SKP2: variants seen among roughly 807,000 people sequenced by gnomAD.
The protein encoded by SKP2 is S-phase kinase associated protein 2.
In SKP2, 16 loss-of-function variants were observed where a neutral mutation model predicts 51.8. The observed-to-expected ratio is 0.31, with a 90% CI of 0.21 to 0.47. The LOEUF is 0.47. Ranked by LOEUF, SKP2 falls within the 20% of genes least tolerant of loss-of-function variation. The probability of loss-of-function intolerance (pLI) is 1.00; values close to 1 mark genes in which losing one functional copy is unlikely to be tolerated. For synonymous variants in SKP2, 176 were observed against 198.6 expected, an observed-to-expected ratio of 0.89 and a Z score of 0.96; for missense variants, 377 against 505.3, an observed-to-expected ratio of 0.75 and a Z score of 2.43.
At chr5:36,171,484 G>T in intron 6 of SKP2, 119 bp from the exon 7 acceptor site, 1 of 930,686 alleles carries the variant, frequency 1.1e-6, no homozygotes, top group Non-Finnish European at 1.7e-6. Flanking sequence ...AGAAGCAGGT[G>T]TTCTGTGCAT....
In SKP2 at chr5:36,160,828, G is replaced by A. The variant is rs369071778; in HGVS notation, c.281-2817G>A. The stretch of plus-strand genomic sequence containing the variant: ...GTGGCAGTGATGGAACAGCTGCCAC[G>A]TCGAGGAGCCTCCTCACAACCTCCA... On this transcript the variant is annotated intron_variant, in intron 2 of 9. Transcript: ENST00000274255. Among the ~76,000 whole-genome samples, 313 of 152,256 alleles carry A rather than the reference G, an allele frequency of 2.1e-3. 4 individuals are homozygous for A. Among genetic ancestry groups the A allele is most frequent in the African/African-American group, 6.9e-3 (285 of 41,548 alleles).
chr5:36,161,374 G>A (rs1239741988), intron 2 of SKP2, among the ~76,000 whole-genome samples: 1 of 151,732 alleles, frequency 6.6e-6, no homozygotes, highest in Non-Finnish European at 1.5e-5. Flanking sequence ...TGAAATTATG[G>A]TACATAAGTG....
chr5:36,186,564 G>A (rs1436977332), downstream of SKP2, among the ~76,000 whole-genome samples: 4 of 152,328 alleles, frequency 2.6e-5, no homozygotes, highest in East Asian at 3.9e-4. Context: ...ATTTGCATAT[G>A]TTGAACCAGC....
intron 7 of SKP2, among the ~76,000 whole-genome samples, chr5:36,176,273 A>G (rs1432084522): frequency 6.6e-6 from 1 of 151,838 alleles, no homozygotes; most frequent in Non-Finnish European, 1.5e-5. Flanking sequence ...ACTGTTTAAT[A>G]TATGTTGAAA....
At chr5:36,153,680 G>A (rs181633720) in intron 2 of SKP2, among the ~76,000 whole-genome samples, 2 of 152,152 alleles carry the variant, frequency 1.3e-5, no homozygotes, top group South Asian at 2.1e-4. Flanking sequence ...AGTTCTCGTC[G>A]TCTCTTGCCT....
intron 4 of SKP2, among the ~76,000 whole-genome samples, chr5:36,167,879 A>G (rs1745339316): frequency 6.6e-6 from 1 of 152,062 alleles, no homozygotes; most frequent in African/African-American, 2.4e-5. Flanking sequence ...CAGCCTTTCA[A>G]AGTGTTGTGA....
intron 6 of SKP2, among the ~76,000 whole-genome samples, chr5:36,190,387 A>C (rs1745997165): frequency 6.6e-6 from 1 of 152,204 alleles, no homozygotes; most frequent in African/African-American, 2.4e-5. Flanking sequence ...TTATCTTTAA[A>C]GTGCTTCCAG....
chr5:36,182,774 G>T lies in SKP2; in HGVS notation c.*743G>T. On this transcript the variant is annotated 3_prime_UTR_variant, in exon 10 of 10. Coordinates refer to ENST00000274255, the MANE Select transcript of SKP2 (RefSeq NM_005983.4). ...TGTTTCCAGAATCTAAATTAGATGA[G>T]AAATATAATTGTGGTTTTCTAACTT... is the stretch of plus-strand genomic sequence containing the variant. 1 of 975,990 alleles carries T rather than the reference G, an allele frequency of 1.0e-6. No individual in the cohort carries two copies. The highest frequency in any genetic ancestry group is 1.2e-6 in the Non-Finnish European group (1 of 821,392). The allele number at this position is 975,990 out of a possible 1,614,324, so 60.5% of individuals were successfully genotyped here.
chr5:36,158,799 T>A (rs1451520251), intron 2 of SKP2, among the ~76,000 whole-genome samples: 2 of 152,190 alleles, frequency 1.3e-5, no homozygotes, highest in Non-Finnish European at 2.9e-5. Context: ...TGACCTTGTC[T>A]CTTTTATCAT....
intron 2 of SKP2, among the ~76,000 whole-genome samples, chr5:36,158,126 T>C (rs575685351): frequency 2.3e-4 from 35 of 152,344 alleles, no homozygotes; most frequent in African/African-American, 7.9e-4. Context: ...GTCCATGTCA[T>C]TGAAGACTGG....
chr5:36,185,356 T>A (rs1006675079), downstream of SKP2, among the ~76,000 whole-genome samples: 3 of 152,216 alleles, frequency 2.0e-5, no homozygotes, highest in Non-Finnish European at 2.9e-5. Context: ...CTGAATGGTA[T>A]TGCCTAGGTT....
chr5:36,168,707 A>G (rs1284108553), intron 5 of SKP2, among the ~76,000 whole-genome samples: 2 of 152,242 alleles, frequency 1.3e-5, no homozygotes, highest in African/African-American at 4.8e-5. Flanking sequence ...TTTGGGAAGA[A>G]AATGAATGCT....
At chr5:36,174,684 A>G (rs1745575845) in intron 7 of SKP2, among the ~76,000 whole-genome samples, 1 of 152,112 alleles carries the variant, frequency 6.6e-6, no homozygotes, top group Non-Finnish European at 1.5e-5. Context: ...CGAAGAGCAA[A>G]GCAGAGTAAC....
At chr5:36,156,662 A>G (rs1744957943) in intron 2 of SKP2, among the ~76,000 whole-genome samples, 1 of 152,116 alleles carries the variant, frequency 6.6e-6, no homozygotes, top group South Asian at 2.1e-4. Flanking sequence ...CTTGTCCCCC[A>G]CCCCACCCTT....
At chr5:36,185,865 T>C (rs1361664770), downstream of SKP2, among the ~76,000 whole-genome samples, 10 of 152,236 alleles carry the variant, frequency 6.6e-5, no homozygotes, top group Admixed American at 5.9e-4. Flanking sequence ...TTTCACGATA[T>C]TGATTCTTCC....
downstream of SKP2, among the ~76,000 whole-genome samples, chr5:36,188,596 T>C (rs971156957): frequency 1.3e-5 from 2 of 152,210 alleles, no homozygotes; most frequent in Admixed American, 1.3e-4. Context: ...TGCCGAGAAA[T>C]CCACTGTTAG....
At chr5:36,165,485 G>T (rs1053824913) in intron 3 of SKP2, among the ~76,000 whole-genome samples, 5 of 152,186 alleles carry the variant, frequency 3.3e-5, no homozygotes, top group African/African-American at 1.2e-4. Context: ...GAAACATCAA[G>T]CATGAGATTC....
rs2112015648 is a variant in SKP2, at chr5:36,182,344, A to G, written c.*313A>G. On this transcript the variant is annotated 3_prime_UTR_variant, in exon 10 of 10. Coordinates refer to ENST00000274255, the MANE Select transcript of SKP2 (RefSeq NM_005983.4). ...ACCTCTTCCAAGTGCCCTTCTTACT[A>G]AGTCTATTCAGAATCAAGCTTAAAA... 9.1e-7 allele frequency: 1 copy of G among 1,094,870 alleles called. No homozygotes were observed. Among genetic ancestry groups the G allele is most frequent in the Admixed American group, 4.6e-5 (1 of 21,748 alleles). 67.8% of individuals were successfully genotyped at this position (1,094,870 alleles called of 1,614,324 possible). A position where few individuals can be genotyped will look rare whatever the true frequency, so the allele number is the denominator to read the frequency against.
rs1264698111 is a variant in SKP2, at chr5:36,183,808, T to C, written c.*1777T>C. 1.3e-6 allele frequency: 2 copies of C among 1,553,248 alleles called. No homozygotes were observed. The highest frequency in any genetic ancestry group is 2.4e-4 in the Middle Eastern group (1 of 4,180). On this transcript the variant is annotated 3_prime_UTR_variant, in exon 10 of 10. Coordinates refer to ENST00000274255, the MANE Select transcript of SKP2 (RefSeq NM_005983.4). ...CTTCAATTTCTTAATAGTTAAAAAG[T>C]GCTAAATACTACTTGAAATTATTGT...
Sources: allele counts gnomAD v4.1 joint callset (sites outside exome capture counted in the v4.1 genomes callset), GRCh38; gene constraint gnomAD v4.1.1; transcripts MANE v1.5; gene names NCBI Gene and HGNC (gene_info 2026-07-23, HGNC 2026-07-21).